ROCK2: variants seen among roughly 807,000 people sequenced by gnomAD.
ROCK2 encodes the protein rho-associated protein kinase 2.
In ROCK2, 61 loss-of-function variants were observed where a neutral mutation model predicts 195.1. The observed-to-expected ratio is 0.31, with a 90% CI of 0.25 to 0.39. The LOEUF is 0.39. Among genes scored for constraint, ROCK2 ranks in the 10% least tolerant of loss-of-function variants. The pLI, the probability that ROCK2 is intolerant of heterozygous loss-of-function variation, is 1.00. For missense variants in ROCK2, 1,109 were observed against 1,637.4 expected, an observed-to-expected ratio of 0.68 and a Z score of 5.57; for synonymous variants, 504 against 545.5, an observed-to-expected ratio of 0.92 and a Z score of 1.06.
intron 23 of ROCK2, among the ~76,000 whole-genome samples, chr2:11,200,115 T>C (rs1038662337): frequency 4.6e-5 from 7 of 152,312 alleles, no homozygotes; most frequent in Admixed American, 1.3e-4. Context: ...TATTTAGGTT[T>C]TCTCTTTCAG....
chr2:11,277,894 T>C (rs1666880728), intron 3 of ROCK2, among the ~76,000 whole-genome samples: 2 of 152,252 alleles, frequency 1.3e-5, no homozygotes, highest in Admixed American at 1.3e-4. Context: ...TATGGAATCA[T>C]AGAGCATGAT....
intron 3 of ROCK2, among the ~76,000 whole-genome samples, chr2:11,255,928 CAAAAAA>C (rs57678031): frequency 1.5e-4 from 5 of 33,062 alleles, no homozygotes; most frequent in Admixed American, 1.1e-3. Context: ...GACTCCATCT[CAAAAAA>C]AAAAAAAAAA....
intron 8 of ROCK2, among the ~76,000 whole-genome samples, chr2:11,221,775 G>A (rs868318312): frequency 2.0e-5 from 3 of 152,040 alleles, no homozygotes; most frequent in Non-Finnish European, 4.4e-5. Context: ...CAAGTCAAAC[G>A]CATTTAAATT....
intron 1 of ROCK2, among the ~76,000 whole-genome samples, chr2:11,329,321 C>T (rs1454508620): frequency 6.6e-6 from 1 of 151,976 alleles, no homozygotes; most frequent in East Asian, 1.9e-4. Flanking sequence ...TTTTATTTCA[C>T]AGATCTGTTG....
chr2:11,234,872 A>G (rs949822967), intron 5 of ROCK2, among the ~76,000 whole-genome samples: 3 of 152,166 alleles, frequency 2.0e-5, no homozygotes, highest in African/African-American at 7.2e-5. Context: ...GTTAAGAGGT[A>G]GAGAGAAAAT....
intron 2 of ROCK2, among the ~76,000 whole-genome samples, 166 bp from the exon 3 acceptor site, chr2:11,286,805 G>A (rs1667210520): frequency 6.6e-6 from 1 of 152,094 alleles, no homozygotes; most frequent in African/African-American, 2.4e-5. Context: ...TAACGTTAAA[G>A]AACCAAAACT....
At chr2:11,315,682 C>CA (rs1343941912) in intron 1 of ROCK2, among the ~76,000 whole-genome samples, 1 of 152,128 alleles carries the variant, frequency 6.6e-6, no homozygotes, top group African/African-American at 2.4e-5. Context: ...TAAAAGACTT[C>CA]AAAACATAGT....
chr2:11,280,781 C>T (rs1666975382), intron 3 of ROCK2, among the ~76,000 whole-genome samples: 2 of 151,710 alleles, frequency 1.3e-5, no homozygotes, highest in Middle Eastern at 3.4e-3. Flanking sequence ...TATTAACCTT[C>T]CAAAACAGAA....
intron 27 of ROCK2, chr2:11,195,252 CT>C (rs1663585385): frequency 4.0e-6 from 1 of 252,466 alleles, no homozygotes; most frequent in Admixed American, 5.4e-5. Flanking sequence ...ATAGTCTATA[CT>C]TTTATAAAGT....
chr2:11,343,850 T>A, intron 1 of ROCK2, 146 bp downstream of exon 1: 2 of 979,040 alleles, frequency 2.0e-6, no homozygotes, highest in South Asian at 1.9e-5. Context: ...CAGAATCGTT[T>A]GGTCTCCGGC....
chr2:11,213,776 T>TA (rs1315703057), intron 17 of ROCK2, among the ~76,000 whole-genome samples: 4 of 151,988 alleles, frequency 2.6e-5, no homozygotes, highest in Non-Finnish European at 4.4e-5. Flanking sequence ...ACCCTGTCCA[T>TA]AAGTCTTATC....
At chr2:11,211,334 T>C (rs924452905) in intron 18 of ROCK2, among the ~76,000 whole-genome samples, 1 of 152,154 alleles carries the variant, frequency 6.6e-6, no homozygotes. Flanking sequence ...GTAACAGGTA[T>C]ACAGCGTGTG....
rs1050427068 is a variant in ROCK2 at position 11,197,933 on chromosome 2, G to T, written c.3100-228C>A. ...TTAGATTTTTACTCGTGTTTTCTGA[G>T]AATTATAATTTAAATATTTATAGAA... On this transcript the variant is annotated intron_variant, in intron 25 of 32. Transcript: ENST00000315872. This position sits in a 1 kb window ranked among gnomAD's most constrained non-coding sequence, Gnocchi z 4.9. 2.0e-5 allele frequency among the ~76,000 whole-genome samples: 3 copies of T among 152,078 alleles called. No homozygotes were observed. The highest frequency in any genetic ancestry group is 4.4e-5 in the Non-Finnish European group (3 of 68,012).
chr2:11,344,354 C>T lies in ROCK2; in HGVS notation c.-218G>A, dbSNP rs1026922211. 30 of 1,176,956 alleles carry T rather than the reference C, an allele frequency of 2.5e-5. No homozygotes were observed. Among genetic ancestry groups the T allele is most frequent in the Non-Finnish European group, 3.0e-5 (29 of 953,176 alleles). 72.9% of individuals were successfully genotyped at this position (1,176,956 alleles called of 1,614,324 possible). On this transcript the variant is annotated 5_prime_UTR_variant, in exon 1 of 33. Transcript: ENST00000315872. The surrounding 1 kb of genome is among the most constrained non-coding windows in gnomAD (Gnocchi z 5.4). ...CCGGCCCAGCCCGGCCCGGCCCTGCCGGGAGCGGCGGGGAACAGACGGCGT... is the reference window on the plus strand; with the variant it reads ...CCGGCCCAGCCCGGCCCGGCCCTGCTGGGAGCGGCGGGGAACAGACGGCGT...
At position 11,235,413 on chromosome 2, in the gene ROCK2, T is replaced by C. The variant is rs1261795935; in HGVS notation, c.723+289A>G. Among the ~76,000 whole-genome samples the C allele has an allele frequency of 6.6e-6, 1 of 152,184 alleles. No individual in the cohort carries two copies. The highest frequency in any genetic ancestry group is 1.5e-5 in the Non-Finnish European group (1 of 68,008). On this transcript the variant is annotated intron_variant, in intron 5 of 32. Transcript: ENST00000315872. This position sits in a 1 kb window ranked among gnomAD's most constrained non-coding sequence, Gnocchi z 4.2. Reference sequence around the variant, plus strand: ...TCCTTCTTCACCTAAATTATACATATGAACCGGTTTTGATTGGTAGCAAAT... The same window carrying C: ...TCCTTCTTCACCTAAATTATACATACGAACCGGTTTTGATTGGTAGCAAAT...
chr2:11,180,476 C>T lies in ROCK2; in HGVS notation c.*2961G>A, dbSNP rs778183047. 6.6e-6 allele frequency: 1 copy of T among 152,146 alleles called. No individual in the cohort carries two copies. Among genetic ancestry groups the T allele is most frequent in the African/African-American group, 2.4e-5 (1 of 41,418 alleles). The allele number at this position is 152,146 out of a possible 1,614,324, so 9.4% of individuals were successfully genotyped here. On this transcript the variant is annotated 3_prime_UTR_variant, in exon 33 of 33. Coordinates refer to ENST00000315872, the MANE Select transcript of ROCK2 (RefSeq NM_004850.5). ...AAAACTTTCATATAGATTTTTAAAA[C>T]TTGTTTCTAGAGAACATGGTTTTTT...
In ROCK2 at chr2:11,242,311, A is replaced by G. The variant is rs1043631370; in HGVS notation, c.463-6349T>C. On this transcript the variant is annotated intron_variant, in intron 4 of 32. Coordinates refer to ENST00000315872, the MANE Select transcript of ROCK2 (RefSeq NM_004850.5). ...GGCCATTAACCATAAAAGTTTGATT[A>G]AACTTTTACTGCATTAAAATTATGA... Among the ~76,000 whole-genome samples, 13 of 152,168 alleles carry G rather than the reference A, an allele frequency of 8.5e-5. No individual in the cohort carries two copies. The East Asian group carries it at 1.3e-3, about 16-fold the overall frequency.
intron 1 of ROCK2, among the ~76,000 whole-genome samples, chr2:11,301,129 C>T (rs1235465151): frequency 6.6e-6 from 1 of 151,902 alleles, no homozygotes; most frequent in Admixed American, 6.6e-5. Context: ...AAGTTTGTAC[C>T]ATTAATAAAG....
At chr2:11,188,109 T>A (rs996656092) in intron 32 of ROCK2, among the ~76,000 whole-genome samples, 5 of 146,610 alleles carry the variant, frequency 3.4e-5, no homozygotes, top group Admixed American at 6.8e-5. Flanking sequence ...TATAATTTTT[T>A]TTTTTTTTTT....
Sources: gnomAD v4.1 joint callset for allele counts (sites outside exome capture counted in the v4.1 genomes callset) on GRCh38, gnomAD v4.1.1 for gene constraint, Gnocchi (gnomAD v3.1) non-coding constraint, MANE v1.5 for transcripts, NCBI Gene and HGNC (gene_info 2026-07-23, HGNC 2026-07-21) for gene names.